Variants in LARGE1 observed in about 807,000 individuals in gnomAD.
LARGE1 encodes the protein LARGE xylosyl- and glucuronyltransferase 1.
LARGE1 carries 43 observed loss-of-function variants against 87.6 expected under a neutral mutation model. The ratio of observed to expected loss-of-function variants is 0.49; its 90% CI spans 0.38 to 0.63. The LOEUF (loss-of-function observed/expected upper bound fraction) is 0.63, where lower values mean the gene tolerates loss of function less well. Ranked by LOEUF, LARGE1 falls within the 30% of genes least tolerant of loss-of-function variation. The pLI, the probability that LARGE1 is intolerant of heterozygous loss-of-function variation, is 0.00. For missense variants in LARGE1, 802 were observed against 1,000.2 expected, an observed-to-expected ratio of 0.80 and a Z score of 2.67; for synonymous variants, 434 against 394.6, an observed-to-expected ratio of 1.10 and a Z score of -1.18.
intron 1 of LARGE1, among the ~76,000 whole-genome samples, chr22:33,827,179 G>A (rs1235997856): frequency 1.9e-4 from 29 of 151,560 alleles, no homozygotes; most frequent in Non-Finnish European, 2.8e-4. Flanking sequence ...TAGCTAACAC[G>A]GTGAAACCCC....
At chr22:33,495,111 C>T (rs2070042044) in intron 6 of LARGE1, among the ~76,000 whole-genome samples, 1 of 151,854 alleles carries the variant, frequency 6.6e-6, no homozygotes, top group Admixed American at 6.6e-5. Flanking sequence ...CCCACACCCC[C>T]ACCCCCCGGA....
intron 6 of LARGE1, among the ~76,000 whole-genome samples, chr22:33,546,809 C>T (rs1292757041): frequency 6.6e-6 from 1 of 152,174 alleles, no homozygotes; most frequent in African/African-American, 2.4e-5. Flanking sequence ...GTCTCAAACT[C>T]CTGACCTCAG....
At chr22:33,147,885 C>T in the LARGE1 span, among the ~76,000 whole-genome samples, 1 of 152,210 alleles carries the variant, frequency 6.6e-6, no homozygotes, top group Non-Finnish European at 1.5e-5. Flanking sequence ...TCTATTCCAT[C>T]AACCACTGAT....
At chr22:33,728,576 A>AAAAC (rs1556015675) in intron 2 of LARGE1, among the ~76,000 whole-genome samples, 5,451 of 103,688 alleles carry the variant, frequency 0.053, 706 homozygotes, top group Non-Finnish European at 0.067. Context: ...AAAAAAAAAA[A>AAAAC]AAACCAACAA....
Position 33,429,735 on chromosome 22 carries a change from CAT to C in LARGE1, c.892+2424_892+2425del, listed in dbSNP as rs1210221635. 2.0e-5 allele frequency among the ~76,000 whole-genome samples: 3 copies of C among 152,264 alleles called. No homozygotes were observed. The East Asian group carries it at 5.8e-4, about 29-fold the overall frequency. ...GAGACTTCCTTTCTCCACCCAGAAACATAGGTGTCTCCACCTCCATGAAAGCT... is the reference window on the plus strand; with the variant it reads ...GAGACTTCCTTTCTCCACCCAGAAACAGGTGTCTCCACCTCCATGAAAGCT... On this transcript the variant is annotated intron_variant, in intron 7 of 14. Coordinates refer to ENST00000397394, the MANE Select transcript of LARGE1 (RefSeq NM_133642.5).
At chr22:33,179,130 T>C (rs137361) in intron 11 of LARGE1, among the ~76,000 whole-genome samples, 89,724 of 151,946 alleles carry the variant, frequency 0.59, 26,881 homozygotes, top group Middle Eastern at 0.65. Flanking sequence ...TCCTAATTAC[T>C]TCTCCATTAT....
intron 12 of LARGE1, among the ~76,000 whole-genome samples, chr22:33,303,411 T>C (rs988542482): frequency 1.3e-5 from 2 of 152,114 alleles, no homozygotes; most frequent in African/African-American, 4.8e-5. Context: ...AGGAAGGTGA[T>C]AATACTACCC....
At chr22:33,135,857 CAAAAT>C in the LARGE1 span, among the ~76,000 whole-genome samples, 1,322 of 151,094 alleles carry the variant, frequency 8.7e-3, 7 homozygotes, top group African/African-American at 0.012. Flanking sequence ...AAAAATAAAA[CAAAAT>C]AAAATAAAAT....
chr22:33,293,724 C>T (rs1452363562), intron 12 of LARGE1, among the ~76,000 whole-genome samples: 9 of 152,138 alleles, frequency 5.9e-5, no homozygotes, highest in East Asian at 3.9e-4. Flanking sequence ...CAAAGTGGAG[C>T]GGAGGTCAGA....
At chr22:33,849,965 G>A (rs531112191) in intron 1 of LARGE1, among the ~76,000 whole-genome samples, 3 of 152,240 alleles carry the variant, frequency 2.0e-5, no homozygotes, top group African/African-American at 7.2e-5. Context: ...TCCATACGAG[G>A]AAATACAAAG....
chr22:33,314,736 G>A (rs1316719602), intron 11 of LARGE1, among the ~76,000 whole-genome samples: 2 of 152,172 alleles, frequency 1.3e-5, no homozygotes, highest in Non-Finnish European at 2.9e-5. Context: ...GATGACATGT[G>A]AGGGAGTTGG....
At chr22:33,169,092 A>G (rs1922423025) in intron 11 of LARGE1, among the ~76,000 whole-genome samples, 1 of 152,198 alleles carries the variant, frequency 6.6e-6, no homozygotes, top group Non-Finnish European at 1.5e-5. Flanking sequence ...CATGTGAGCA[A>G]TGACTCCATT....
rs756711932 is a variant in LARGE1 at position 33,274,559 on chromosome 22, G to A, written c.2139C>T (p.Asp713=). ...GCTTGTTGGAACGGAACTTGGTAAT[G>A]TCGAAGCTGGGGGCATGAGGCATGT... ...MIHMPHAPSF[D]ITKFRSNKQY... Residue 713 remains aspartate, a synonymous_variant, in exon 15 of 15, where the codon GAC becomes GAT. Transcript: ENST00000397394. The A allele has an allele frequency of 9.3e-6, 15 of 1,614,058 alleles. No homozygotes were observed. The highest frequency in any genetic ancestry group is 2.7e-5 in the African/African-American group (2 of 74,930).
chr22:33,226,333 G>A (rs1055999292), intron 11 of LARGE1, among the ~76,000 whole-genome samples: 6 of 152,166 alleles, frequency 3.9e-5, no homozygotes, highest in Non-Finnish European at 7.3e-5. Flanking sequence ...TAGTAGAACC[G>A]AAGTTCTTCT....
intron 2 of LARGE1, among the ~76,000 whole-genome samples, chr22:33,689,359 G>A (rs900776849): frequency 2.0e-5 from 3 of 152,150 alleles, no homozygotes; most frequent in Non-Finnish European, 4.4e-5. Context: ...CCAGGAAGCC[G>A]CATTCAGCGC....
chr22:33,307,611 T>C (rs77460478), intron 11 of LARGE1, among the ~76,000 whole-genome samples: 3,423 of 152,206 alleles, frequency 0.022, 122 homozygotes, highest in African/African-American at 0.077. Context: ...TTATTTCCAA[T>C]GCATCGGATA....
chr22:33,772,898 G>A (rs1439272033), intron 1 of LARGE1, among the ~76,000 whole-genome samples: 1 of 152,054 alleles, frequency 6.6e-6, no homozygotes, highest in African/African-American at 2.4e-5. Context: ...ATCATCAGGC[G>A]GCCTGCAGTC....
At chr22:33,118,520 A>AG in the LARGE1 span, among the ~76,000 whole-genome samples, 1 of 149,038 alleles carries the variant, frequency 6.7e-6, no homozygotes, top group South Asian at 2.1e-4. Context: ...AAAAAAAAAA[A>AG]GAAAAGAGGT....
intron 11 of LARGE1, among the ~76,000 whole-genome samples, chr22:33,188,151 T>C (rs1923586275): frequency 6.6e-6 from 1 of 151,946 alleles, no homozygotes; most frequent in Non-Finnish European, 1.5e-5. Context: ...ATGTTTTTGC[T>C]GATAATAATT....
Sources: gnomAD v4.1 joint callset for allele counts (sites outside exome capture counted in the v4.1 genomes callset) on GRCh38, gnomAD v4.1.1 for gene constraint, MANE v1.5 for transcripts, NCBI Gene and HGNC (gene_info 2026-07-23, HGNC 2026-07-21) for gene names.